Variants in DTD1 observed in about 807,000 individuals in gnomAD.
The protein encoded by DTD1 is D-tyrosyl-tRNA deacylase 1 homolog.
Under a neutral mutation model 25.6 loss-of-function variants are expected in DTD1, and 13 were observed. That is an observed-to-expected ratio of 0.51 (90% confidence interval 0.33 to 0.81). The LOEUF (loss-of-function observed/expected upper bound fraction) is 0.81. Among genes scored for constraint, DTD1 ranks in the 30% least tolerant of loss-of-function variants. The pLI, the probability that DTD1 is intolerant of heterozygous loss-of-function variation, is 0.02. For missense variants in DTD1, 193 were observed against 266.4 expected (o/e 0.72, Z 1.92); for synonymous variants, 110 against 103.6 (o/e 1.06, Z -0.37).
chr20:18,647,032 T>G (rs1376870557), intron 4 of DTD1, among the ~76,000 whole-genome samples: 2 of 152,218 alleles, frequency 1.3e-5, no homozygotes, highest in Non-Finnish European at 2.9e-5. Flanking sequence ...GGGAAAGGAA[T>G]TCCAACTTTC....
At chr20:18,646,281 A>G (rs190038255) in intron 4 of DTD1, among the ~76,000 whole-genome samples, 2 of 152,280 alleles carry the variant, frequency 1.3e-5, no homozygotes, top group East Asian at 3.9e-4. Flanking sequence ...ATGGGTTTGT[A>G]AGGAAAGGGG....
chr20:18,632,266 A>G (rs56053515), intron 4 of DTD1: 3 of 985,490 alleles, frequency 3.0e-6, no homozygotes, highest in South Asian at 4.7e-5. Flanking sequence ...TGAATCCTTT[A>G]GGAGTTTTCT....
intron 5 of DTD1, among the ~76,000 whole-genome samples, chr20:18,755,980 G>A (rs1046667375): frequency 1.3e-5 from 2 of 152,110 alleles, no homozygotes; most frequent in Non-Finnish European, 2.9e-5. Context: ...GTGTGAGATG[G>A]TATCTCATTG....
chr20:18,681,362 A>G (rs2060995971), intron 4 of DTD1, among the ~76,000 whole-genome samples: 1 of 152,216 alleles, frequency 6.6e-6, no homozygotes, highest in Admixed American at 6.5e-5. Context: ...AATCAGATGA[A>G]GCCCCACAGA....
At chr20:18,736,691 C>T (rs1051303191) in intron 4 of DTD1, among the ~76,000 whole-genome samples, 7 of 152,194 alleles carry the variant, frequency 4.6e-5, no homozygotes, top group African/African-American at 1.7e-4. Context: ...TTCCCAGTGG[C>T]CTGCTGCCTG....
chr20:18,700,202 G>A (rs777365676), intron 4 of DTD1, among the ~76,000 whole-genome samples: 2 of 152,200 alleles, frequency 1.3e-5, no homozygotes, highest in African/African-American at 2.4e-5. Flanking sequence ...CATGACTACT[G>A]ATGCTGACCT....
chr20:18,589,330 G>A (rs565526706), intron 1 of DTD1, among the ~76,000 whole-genome samples: 53 of 152,066 alleles, frequency 3.5e-4, no homozygotes, highest in African/African-American at 1.3e-3. Flanking sequence ...CAGCCTGGGC[G>A]ACAGAGCGAG....
At chr20:18,708,449 T>G in intron 4 of DTD1, among the ~76,000 whole-genome samples, 1 of 143,428 alleles carries the variant, frequency 7.0e-6, no homozygotes, top group African/African-American at 2.6e-5. Context: ...TTCACCTCCC[T>G]GGTTCAAGCG....
At chr20:18,591,089 T>A (rs1265422820) in intron 1 of DTD1, among the ~76,000 whole-genome samples, 1 of 152,218 alleles carries the variant, frequency 6.6e-6, no homozygotes, top group Non-Finnish European at 1.5e-5. Flanking sequence ...TTGTTCAAAG[T>A]GGTGATTCTC....
intron 4 of DTD1, among the ~76,000 whole-genome samples, chr20:18,687,553 T>C (rs547234428): frequency 6.6e-6 from 1 of 152,290 alleles, no homozygotes; most frequent in African/African-American, 2.4e-5. Context: ...GTTTTCTTTT[T>C]TTTTCTTTTT....
chr20:18,633,447 C>A (rs2060796151), intron 4 of DTD1, among the ~76,000 whole-genome samples: 1 of 152,212 alleles, frequency 6.6e-6, no homozygotes, highest in African/African-American at 2.4e-5. Context: ...AGACTTCACA[C>A]CATCTGCTAT....
At position 18,707,871 on chromosome 20, in the gene DTD1, C is replaced by T. The variant is rs80164772; in HGVS notation, c.478-36229C>T. On this transcript the variant is annotated intron_variant, in intron 4 of 5. Transcript: ENST00000377452. ...GGGGACTTGTCCCTTGGCACCTCTC[C>T]GACTGGCTTACAGGCCTCCCAGGAT... Among the ~76,000 whole-genome samples the T allele has an allele frequency of 4.9e-3, 751 of 152,038 alleles. 5 individuals carry two copies. The highest frequency in any genetic ancestry group is 0.035 in the South Asian group (168 of 4,816).
Position 18,740,320 on chromosome 20 carries a change from G to T in DTD1, c.478-3780G>T, listed in dbSNP as rs796357570. Reference sequence around the variant, plus strand: ...GATATTCACATTTTGTTTTTTTTTTGTTTTGTTTTGTTTTGTTTTTAATCT... The same window carrying T: ...GATATTCACATTTTGTTTTTTTTTTTTTTTGTTTTGTTTTGTTTTTAATCT... On this transcript the variant is annotated intron_variant, in intron 4 of 5. Coordinates refer to ENST00000377452, the MANE Select transcript of DTD1 (RefSeq NM_080820.6). Among the ~76,000 whole-genome samples, 820 of 149,508 alleles carry T rather than the reference G, an allele frequency of 5.5e-3. 3 individuals carry two copies. Among genetic ancestry groups the T allele is most frequent in the African/African-American group, 0.016 (656 of 40,692 alleles).
chr20:18,684,372 A>G (rs2061008690), intron 4 of DTD1, among the ~76,000 whole-genome samples: 1 of 151,840 alleles, frequency 6.6e-6, no homozygotes, highest in African/African-American at 2.4e-5. Context: ...CTGCAACCTC[A>G]GCCTCCTGGG....
At chr20:18,732,477 A>G (rs375498404) in intron 4 of DTD1, among the ~76,000 whole-genome samples, 107 of 152,352 alleles carry the variant, frequency 7.0e-4, no homozygotes, top group East Asian at 5.2e-3. Context: ...GTAAGGGTAC[A>G]CACACCAGGA....
intron 3 of DTD1, among the ~76,000 whole-genome samples, chr20:18,626,243 C>T (rs151107733): frequency 3.3e-5 from 5 of 152,186 alleles, no homozygotes; most frequent in African/African-American, 4.8e-5. Context: ...AACTGGGGCC[C>T]GGAGAGGTGG....
chr20:18,655,050 A>G (rs1200807847), intron 4 of DTD1, among the ~76,000 whole-genome samples: 1 of 152,214 alleles, frequency 6.6e-6, no homozygotes, highest in Non-Finnish European at 1.5e-5. Flanking sequence ...AAGTTATTTC[A>G]AAGAGTGTTT....
At chr20:18,666,228 G>A (rs1464174453) in intron 4 of DTD1, among the ~76,000 whole-genome samples, 1 of 152,220 alleles carries the variant, frequency 6.6e-6, no homozygotes, top group East Asian at 1.9e-4. Context: ...TTTTTGGGAT[G>A]AGTACCAAAA....
chr20:18,754,074 G>A (rs999436229), intron 5 of DTD1, among the ~76,000 whole-genome samples: 6 of 152,126 alleles, frequency 3.9e-5, no homozygotes, highest in African/African-American at 1.4e-4. Context: ...AAAAATCTTG[G>A]TCCTTTTAAC....
Sources: allele counts gnomAD v4.1 joint callset (sites outside exome capture counted in the v4.1 genomes callset), GRCh38; gene constraint gnomAD v4.1.1; transcripts MANE v1.5; gene names NCBI Gene and HGNC (gene_info 2026-07-23, HGNC 2026-07-21).